Variants in EFCAB5 observed in about 807,000 individuals in gnomAD.
EFCAB5 encodes EF-hand calcium binding domain 5.
EFCAB5 carries 131 observed loss-of-function variants against 167.9 expected under a neutral mutation model. The observed-to-expected ratio is 0.78, with a 90% CI of 0.68 to 0.90. EFCAB5 has a LOEUF of 0.90. EFCAB5 is among the 40% of genes least tolerant of loss of function. The probability of loss-of-function intolerance (pLI) is 0.00; values close to 1 mark genes in which losing one functional copy is unlikely to be tolerated. For missense variants in EFCAB5, 1,663 were observed against 1,745.2 expected (o/e 0.95, Z 0.84); for synonymous variants, 574 against 602.8 (o/e 0.95, Z 0.70).
chr17:29,951,825 G>A (rs1054289168), intron 3 of EFCAB5, among the ~76,000 whole-genome samples: 1 of 152,110 alleles, frequency 6.6e-6, no homozygotes, highest in African/African-American at 2.4e-5. Context: ...GGGACCCTGA[G>A]AAGCATAGTT....
chr17:29,937,399 C>T (rs2067254929), upstream of EFCAB5, among the ~76,000 whole-genome samples: 1 of 152,060 alleles, frequency 6.6e-6, no homozygotes, highest in Admixed American at 6.5e-5. Flanking sequence ...GTTGACCAGG[C>T]TGGTCTCAAA....
At position 30,000,872 on chromosome 17, in the gene EFCAB5, T is replaced by C. The variant is rs2068647477; in HGVS notation, c.1044+896T>C. ...GCCACAGTTGTTTATATCTCCCCTG[T>C]GATCCAGAATCCATACTATGAACCA... On this transcript the variant is annotated intron_variant, in intron 7 of 22. Coordinates refer to ENST00000394835, the MANE Select transcript of EFCAB5 (RefSeq NM_198529.4). Among the ~76,000 whole-genome samples the C allele has an allele frequency of 2.0e-5, 3 of 152,236 alleles. No homozygotes were observed. The South Asian group carries it at 6.2e-4, about 32-fold the overall frequency.
intron 14 of EFCAB5, among the ~76,000 whole-genome samples, chr17:30,060,655 G>C (rs2070400556): frequency 6.6e-6 from 1 of 152,242 alleles, no homozygotes; most frequent in East Asian, 1.9e-4. Context: ...TAAGTTTATT[G>C]ATTGTCATGT....
intron 4 of EFCAB5, among the ~76,000 whole-genome samples, chr17:29,986,637 A>ATTTTTTTTTTTTTTTTTTTTTT (rs911310972): frequency 1.7e-5 from 1 of 58,056 alleles, no homozygotes; most frequent in African/African-American, 7.0e-5. Context: ...GAGTATATTC[A>ATTTTTTTTTTTTTTTTTTTTTT]TTTTTTTTTT....
At chr17:30,049,263 C>T (rs1053408893) in intron 8 of EFCAB5, among the ~76,000 whole-genome samples, 5 of 151,946 alleles carry the variant, frequency 3.3e-5, no homozygotes, top group Admixed American at 6.6e-5. Flanking sequence ...GGGCGGATCA[C>T]GAGGTCAAGA....
At chr17:30,069,062 T>A in intron 14 of EFCAB5, 1 of 1,410,274 alleles carries the variant, frequency 7.1e-7, no homozygotes, top group Non-Finnish European at 1.0e-6. Flanking sequence ...TTAAAAAAAG[T>A]GTGTAAACTT....
intron 2 of EFCAB5, among the ~76,000 whole-genome samples, chr17:29,943,063 T>G (rs992045472): frequency 4.2e-5 from 6 of 143,914 alleles, no homozygotes; most frequent in African/African-American, 1.0e-4. Context: ...TATATATATA[T>G]AGTCAGATTT....
At chr17:29,929,968 G>A (rs1445771907) in intron 1 of EFCAB5, 1 of 1,604,224 alleles carries the variant, frequency 6.2e-7, no homozygotes, top group Non-Finnish European at 8.5e-7. Context: ...TGGTGCTGGG[G>A]GTAGGTGACC....
upstream of EFCAB5, among the ~76,000 whole-genome samples, chr17:29,938,963 A>C (rs1376551464): frequency 6.6e-6 from 1 of 152,200 alleles, no homozygotes; most frequent in African/African-American, 2.4e-5. Flanking sequence ...TAGAATGGTG[A>C]ATCCTTTCAA....
chr17:29,964,243 C>A (rs2067780386), intron 3 of EFCAB5, among the ~76,000 whole-genome samples: 1 of 152,036 alleles, frequency 6.6e-6, no homozygotes, highest in African/African-American at 2.4e-5. Context: ...TGGTTCATTT[C>A]TTCTAGGTTA....
Position 30,091,952 on chromosome 17 carries a change from A to C in EFCAB5, c.4019A>C (p.Gln1340Pro), listed in dbSNP as rs2071207103. The C allele has an allele frequency of 6.2e-7, 1 of 1,614,020 alleles. No individual in the cohort carries two copies. Among genetic ancestry groups the C allele is most frequent in the African/African-American group, 1.3e-5 (1 of 75,040 alleles). Reference sequence around the variant, plus strand: ...CTGCTCGAGCTACAGGAAAGCATCCAACTACTCAATTCCATGGAATTTGTG... The same window carrying C: ...CTGCTCGAGCTACAGGAAAGCATCCCACTACTCAATTCCATGGAATTTGTG... Reference protein sequence around the residue: ...IMLLELQESIQLLNSMEFVSL... With the variant: ...IMLLELQESIPLLNSMEFVSL... Residue 1340 changes from glutamine (Q) to proline (P), a missense_variant, in exon 21 of 23, where the codon CAA becomes CCA. Physicochemically the swap from Gln to Pro is moderately conservative, Grantham distance 76. Coordinates refer to ENST00000394835, the MANE Select transcript of EFCAB5 (RefSeq NM_198529.4).
intron 12 of EFCAB5, 47 bp downstream of exon 12, chr17:30,056,203 G>T: frequency 2.7e-6 from 4 of 1,508,820 alleles, no homozygotes; most frequent in Non-Finnish European, 3.6e-6. Context: ...TCCAATAGAT[G>T]GATTTAATTT....
chr17:30,101,154 A>G (rs1364639621), intron 22 of EFCAB5, among the ~76,000 whole-genome samples: 1 of 152,176 alleles, frequency 6.6e-6, no homozygotes, highest in Non-Finnish European at 1.5e-5. Context: ...CACCCAGTGA[A>G]TTAGAGCCAT....
chr17:29,947,082 G>A (rs893007994), intron 3 of EFCAB5, among the ~76,000 whole-genome samples: 1 of 151,444 alleles, frequency 6.6e-6, no homozygotes, highest in African/African-American at 2.4e-5. Flanking sequence ...GCTGAGGCAG[G>A]AGAATTGCTT....
At chr17:30,045,009 A>T (rs1324735003) in intron 8 of EFCAB5, among the ~76,000 whole-genome samples, 1 of 152,210 alleles carries the variant, frequency 6.6e-6, no homozygotes, top group Non-Finnish European at 1.5e-5. Flanking sequence ...CCACTGATGA[A>T]TCTCAAAAAT....
chr17:29,943,669 C>A lies in EFCAB5; in HGVS notation c.190+20C>A. ...CCCAAGGTAGAGAACTAGCCTTTCTCTTATACAATAGAATCTAAAACTGGC... is the reference window on the plus strand; with the variant it reads ...CCCAAGGTAGAGAACTAGCCTTTCTATTATACAATAGAATCTAAAACTGGC... On this transcript the variant is annotated intron_variant, in intron 3 of 22. Transcript: ENST00000394835. 1 of 1,553,370 alleles carries A rather than the reference C, an allele frequency of 6.4e-7. No homozygotes were observed. The highest frequency in any genetic ancestry group is 1.2e-5 in the South Asian group (1 of 84,084).
intron 3 of EFCAB5, among the ~76,000 whole-genome samples, chr17:29,947,284 G>A (rs1220330621): frequency 2.0e-5 from 3 of 152,162 alleles, no homozygotes; most frequent in African/African-American, 7.2e-5. Flanking sequence ...TGGAGCTGAA[G>A]GCCATTATTC....
chr17:30,023,375 A>G (rs1229927264), intron 7 of EFCAB5, among the ~76,000 whole-genome samples: 2 of 152,088 alleles, frequency 1.3e-5, no homozygotes, highest in African/African-American at 4.8e-5. Flanking sequence ...CAGAAATACA[A>G]ACTACCATCA....
At position 30,087,171 on chromosome 17, in the gene EFCAB5, G is replaced by C. The variant is rs911792233; in HGVS notation, c.3683+5G>C. On this transcript the variant is annotated splice_donor_5th_base_variant and intron_variant, in intron 19 of 22. Transcript: ENST00000394835. Reference sequence around the variant, plus strand: ...CAGGAAGTCATGCATCTTCAGGTTAGAGACATGTCTGTTTTGTTTGACTGC... The same window carrying C: ...CAGGAAGTCATGCATCTTCAGGTTACAGACATGTCTGTTTTGTTTGACTGC... The C allele has an allele frequency of 6.2e-7, 1 of 1,612,806 alleles. No individual in the cohort carries two copies. Among genetic ancestry groups the C allele is most frequent in the Middle Eastern group, 1.7e-4 (1 of 6,060 alleles).
Sources: gnomAD v4.1 joint callset for allele counts (sites outside exome capture counted in the v4.1 genomes callset) on GRCh38, gnomAD v4.1.1 for gene constraint, MANE v1.5 for transcripts, NCBI Gene and HGNC (gene_info 2026-07-23, HGNC 2026-07-21) for gene names.